The following SYNE3 variants were observed in gnomAD, a reference collection of about 807,000 sequenced individuals.
SYNE3 encodes nesprin-3.
In SYNE3, 100 loss-of-function variants were observed where a neutral mutation model predicts 111.2. The observed-to-expected ratio is 0.90, with a 90% confidence interval of 0.77 to 1.06. The LOEUF is 1.06. SYNE3 is among the 50% of genes least tolerant of loss of function. The pLI, the probability that SYNE3 is intolerant of heterozygous loss-of-function variation, is 0.00. For missense variants in SYNE3, 1,160 were observed against 1,240.3 expected (o/e 0.94, Z 0.97); for synonymous variants, 547 against 533.9 (o/e 1.02, Z -0.34).
intron 1 of SYNE3, among the ~76,000 whole-genome samples, chr14:95,477,990 T>C (rs1888991524): frequency 6.6e-6 from 1 of 152,188 alleles, no homozygotes; most frequent in Admixed American, 6.5e-5. Flanking sequence ...AGCGTGGCTC[T>C]AATCATCAAG....
chr14:95,456,825 C>T (rs993153245), intron 5 of SYNE3, among the ~76,000 whole-genome samples: 3 of 152,164 alleles, frequency 2.0e-5, no homozygotes, highest in Non-Finnish European at 4.4e-5. Flanking sequence ...TGGCTCACAC[C>T]TGTAATCGCA....
chr14:95,453,778 G>A (rs1355235221), intron 6 of SYNE3, among the ~76,000 whole-genome samples: 1 of 152,222 alleles, frequency 6.6e-6, no homozygotes, highest in East Asian at 1.9e-4. Flanking sequence ...CCACTGGAAG[G>A]CCCATCATCA....
chr14:95,440,150 TG>T, intron 11 of SYNE3, 75 bp from the exon 12 acceptor site: 1 of 1,496,652 alleles, frequency 6.7e-7, no homozygotes, highest in Non-Finnish European at 8.9e-7. Flanking sequence ...ACCCCCACCC[TG>T]CAGGGCTCTC....
intron 4 of SYNE3, among the ~76,000 whole-genome samples, chr14:95,462,992 C>T (rs1436972587): frequency 2.0e-5 from 3 of 152,096 alleles, no homozygotes; most frequent in Non-Finnish European, 4.4e-5. Flanking sequence ...CCCATCTCTA[C>T]TAAAAAATAC....
intron 4 of SYNE3, among the ~76,000 whole-genome samples, chr14:95,462,640 G>A (rs1392581035): frequency 2.6e-5 from 4 of 152,304 alleles, no homozygotes; most frequent in Admixed American, 2.0e-4. Context: ...GAGAGCCCTG[G>A]ATGCAAGGGC....
rs577714023 is a variant in SYNE3, at chr14:95,480,927, A to G, written c.-14-5092T>C. Among the ~76,000 whole-genome samples, 49 of 152,350 alleles carry G rather than the reference A, an allele frequency of 3.2e-4. No individual in the cohort carries two copies. The East Asian group carries it at 8.5e-3, about 26-fold the overall frequency. ...ATCTCAGCAGCAGCAGAAGGGGAGTAGCGGGGCTGCCTCTCAGCTGAGCTC... is the reference window on the plus strand; with the variant it reads ...ATCTCAGCAGCAGCAGAAGGGGAGTGGCGGGGCTGCCTCTCAGCTGAGCTC... On this transcript the variant is annotated intron_variant, in intron 1 of 17. Coordinates refer to ENST00000682763, the MANE Select transcript of SYNE3 (RefSeq NM_152592.6).
intron 1 of SYNE3, among the ~76,000 whole-genome samples, chr14:95,490,647 G>A (rs553058631): frequency 1.3e-5 from 2 of 152,374 alleles, no homozygotes; most frequent in Admixed American, 6.5e-5. Flanking sequence ...GCTGGCTGCA[G>A]AGCCAAAGGT....
chr14:95,492,371 C>T (rs1218142361), intron 1 of SYNE3, among the ~76,000 whole-genome samples: 1 of 152,214 alleles, frequency 6.6e-6, no homozygotes, highest in Admixed American at 6.5e-5. Flanking sequence ...AAATGTCCAT[C>T]AACTGATAAA....
At chr14:95,426,609 C>T (rs113566097) in intron 17 of SYNE3, among the ~76,000 whole-genome samples, 3,803 of 152,002 alleles carry the variant, frequency 0.025, 174 homozygotes, top group African/African-American at 0.087. Flanking sequence ...TTTTTGTGGG[C>T]GGCAAGCCAC....
At chr14:95,483,647 C>T (rs1443158008) in intron 1 of SYNE3, among the ~76,000 whole-genome samples, 2 of 152,120 alleles carry the variant, frequency 1.3e-5, no homozygotes, top group African/African-American at 2.4e-5. Flanking sequence ...GGGATAGGAA[C>T]TCAACGGTAG....
chr14:95,508,988 C>T (rs922531291), intron 1 of SYNE3, among the ~76,000 whole-genome samples: 1 of 152,218 alleles, frequency 6.6e-6, no homozygotes, highest in East Asian at 1.9e-4. Flanking sequence ...TATTTTAAAG[C>T]CTTTTAATTT....
rs1357116897 is a variant in SYNE3, at chr14:95,415,742, C to T, written c.*2084G>A. ...AGGCATGGTGGCTCATGCCTGTAAT[C>T]CCAGTGCTTTGGGACGCTGAGGTGG... On this transcript the variant is annotated 3_prime_UTR_variant, in exon 18 of 18. Transcript: ENST00000682763. 1 of 151,762 alleles carries T rather than the reference C, an allele frequency of 6.6e-6. No homozygotes were observed. The highest frequency in any genetic ancestry group is 1.9e-4 in the East Asian group (1 of 5,146). The allele number at this position is 151,762 out of a possible 1,614,324, so 9.4% of individuals were successfully genotyped here.
chr14:95,439,102 G>C lies in SYNE3; in HGVS notation c.2307C>G (p.Phe769Leu), dbSNP rs772524614. Residue 769 changes from phenylalanine (F) to leucine (L), a missense_variant, in exon 14 of 18, where the codon TTC becomes TTG. Physicochemically the swap from Phe to Leu is conservative, Grantham distance 22. Coordinates refer to ENST00000682763, the MANE Select transcript of SYNE3 (RefSeq NM_152592.6). ...MEVDSGKKMV[F>L]TNNIPKSGFL... Reference sequence around the variant, plus strand: ...ATCCTGACTTTGGGATGTTGTTGGTGAAAACCATTTTCTTCCCCGAATCCA... The same window carrying C: ...ATCCTGACTTTGGGATGTTGTTGGTCAAAACCATTTTCTTCCCCGAATCCA... 1.9e-6 allele frequency: 3 copies of C among 1,614,274 alleles called. No homozygotes were observed. The Admixed American group carries it at 5.0e-5, about 27-fold the overall frequency.
chr14:95,478,827 T>C, intron 1 of SYNE3, among the ~76,000 whole-genome samples: 1 of 152,172 alleles, frequency 6.6e-6, no homozygotes, highest in East Asian at 1.9e-4. Context: ...GCACTTGGCC[T>C]ATAGGCTGTC....
intron 1 of SYNE3, among the ~76,000 whole-genome samples, chr14:95,513,829 T>C (rs1595267950): frequency 1.4e-5 from 2 of 148,042 alleles, no homozygotes; most frequent in South Asian, 4.3e-4. Flanking sequence ...ACAAGCATCC[T>C]GTCCGGTCAG....
chr14:95,431,138 G>C (rs1885739815), intron 17 of SYNE3, among the ~76,000 whole-genome samples: 1 of 152,232 alleles, frequency 6.6e-6, no homozygotes, highest in Admixed American at 6.5e-5. Context: ...ATGCCTAGCA[G>C]GAAAACACAG....
At position 95,409,374 on chromosome 14, in the gene SYNE3, G is replaced by A. The variant is rs1464839224; in HGVS notation, c.*8452C>T. On this transcript the variant is annotated 3_prime_UTR_variant, in exon 18 of 18. Transcript: ENST00000682763. ...TCTCATCAGAACAGGAAGAGGGACTGTAGGACTTTGTCCCTCATCTCCACA... is the reference window on the plus strand; with the variant it reads ...TCTCATCAGAACAGGAAGAGGGACTATAGGACTTTGTCCCTCATCTCCACA... The A allele has an allele frequency of 2.2e-6, 1 of 456,790 alleles. No individual in the cohort carries two copies. The highest frequency in any genetic ancestry group is 2.3e-5 in the Admixed American group (1 of 42,594). 28.3% of individuals were successfully genotyped at this position (456,790 alleles called of 1,614,324 possible). A position where few individuals can be genotyped will look rare whatever the true frequency, so the allele number is the denominator to read the frequency against.
rs1394729405 is a variant in SYNE3, at chr14:95,470,990, A to AT, written c.145-3024_145-3023insA. ...GCAACACGCCGTCTCAGGAAAAAAA[A>AT]AAAAAGAAAGTAAGATGATATTTCT... On this transcript the variant is annotated intron_variant, in intron 2 of 17. Transcript: ENST00000682763. This position sits in a 1 kb window ranked among gnomAD's most constrained non-coding sequence, Gnocchi z 4.2. Among the ~76,000 whole-genome samples the AT allele has an allele frequency of 1.4e-5, 2 of 145,042 alleles. No individual in the cohort carries two copies. The highest frequency in any genetic ancestry group is 3.1e-5 in the Non-Finnish European group (2 of 64,652).
intron 17 of SYNE3, among the ~76,000 whole-genome samples, chr14:95,429,474 C>T (rs770788167): frequency 3.9e-5 from 6 of 152,124 alleles, no homozygotes; most frequent in Non-Finnish European, 8.8e-5. Flanking sequence ...TCATGGGCCA[C>T]CCTAAAACTG....
Sources: allele counts gnomAD v4.1 joint callset (sites outside exome capture counted in the v4.1 genomes callset), GRCh38; gene constraint gnomAD v4.1.1; non-coding constraint Gnocchi (gnomAD v3.1); transcripts MANE v1.5; gene names NCBI Gene and HGNC (gene_info 2026-07-23, HGNC 2026-07-21).